Variants in CPZ observed in about 807,000 individuals in gnomAD.
CPZ encodes the protein VEZT/CPZ fusion.
Under a neutral mutation model 61.8 loss-of-function variants are expected in CPZ, and 103 were observed. That is an observed-to-expected ratio of 1.67 (90% CI 1.42 to 1.96). The LOEUF (loss-of-function observed/expected upper bound fraction) is 1.96, where lower values mean the gene tolerates loss of function less well. CPZ is among the 30% of genes most tolerant of loss of function. CPZ has a pLI of 0.00. For synonymous variants in CPZ, 551 were observed against 373.7 expected (o/e 1.47, Z -5.47); for missense variants, 1,461 against 914.9 (o/e 1.60, Z -7.70).
intron 1 of CPZ, among the ~76,000 whole-genome samples, chr4:8,595,335 C>A (rs929622961): frequency 1.3e-5 from 2 of 152,162 alleles, no homozygotes; most frequent in Non-Finnish European, 2.9e-5. Context: ...TGCAAGTCTG[C>A]AGGGGGATCC....
chr4:8,606,600 G>A, intron 5 of CPZ, 137 bp from the exon 6 acceptor site: 2 of 1,095,660 alleles, frequency 1.8e-6, no homozygotes, highest in Non-Finnish European at 2.7e-6. Context: ...GGTCAGGCAT[G>A]CCCCCGAGCT....
rs765617177 is a variant in CPZ, at chr4:8,605,946, C to A, written c.710-43C>A. On this transcript the variant is annotated intron_variant, in intron 4 of 10. Coordinates refer to ENST00000360986, the MANE Select transcript of CPZ (RefSeq NM_001014447.3). ...GGGGGCCTCATGCCTTTGGGGACCCCCGGCTTTGAGATGATGCCCCAAGTC... is the reference window on the plus strand; with the variant it reads ...GGGGGCCTCATGCCTTTGGGGACCCACGGCTTTGAGATGATGCCCCAAGTC... 3.8e-6 allele frequency: 6 copies of A among 1,584,078 alleles called. No homozygotes were observed. In the South Asian group the frequency reaches 6.8e-5, roughly 18 times the overall value.
intron 8 of CPZ, 94 bp from the exon 9 acceptor site, chr4:8,614,257 ACCCCGGCG>A: frequency 6.8e-7 from 1 of 1,472,326 alleles, no homozygotes; most frequent in East Asian, 2.3e-5. Flanking sequence ...CGCGGCTGAC[ACCCCGGCG>A]TCCCGGCTGT....
intron 4 of CPZ, 30 bp downstream of exon 4, chr4:8,604,218 C>T (rs1470995780): frequency 1.8e-5 from 27 of 1,498,004 alleles, no homozygotes; most frequent in Non-Finnish European, 2.3e-5. Flanking sequence ...CCTGGCCTGG[C>T]CCCGTTTCGG....
At chr4:8,595,123 C>T (rs966943658) in intron 1 of CPZ, among the ~76,000 whole-genome samples, 1 of 152,238 alleles carries the variant, frequency 6.6e-6, no homozygotes, top group Admixed American at 6.5e-5. Flanking sequence ...AGCATTTTGG[C>T]ATTCATATAA....
chr4:8,613,322 G>T (rs985362180), intron 8 of CPZ, among the ~76,000 whole-genome samples: 2 of 152,146 alleles, frequency 1.3e-5, no homozygotes, highest in African/African-American at 2.4e-5. Context: ...AGTAGAGATG[G>T]GGTTTCACCA....
intron 7 of CPZ, among the ~76,000 whole-genome samples, chr4:8,609,059 A>ACTCCCTCACGTACTCACTCC (rs1560297703): frequency 8.5e-6 from 1 of 117,930 alleles, no homozygotes; most frequent in Non-Finnish European, 1.7e-5. Flanking sequence ...TCCCTCCCTC[A>ACTCCCTCACGTACTCACTCC]CTCCCTCACT....
At chr4:8,595,204 C>T (rs903931870) in intron 1 of CPZ, among the ~76,000 whole-genome samples, 2 of 152,252 alleles carry the variant, frequency 1.3e-5, no homozygotes, top group Admixed American at 6.5e-5. Flanking sequence ...ACATCGCACA[C>T]ATTGGTTTGA....
rs571049835 is a variant in CPZ, at chr4:8,601,478, C to T, written c.477C>T (p.Asp159=). 2.0e-6 allele frequency: 3 copies of T among 1,493,232 alleles called. No homozygotes were observed. Among genetic ancestry groups the T allele is most frequent in the African/African-American group, 1.4e-5 (1 of 72,588 alleles). 92.5% of individuals were successfully genotyped at this position (1,493,232 alleles called of 1,614,324 possible). A position where few individuals can be genotyped will look rare whatever the true frequency, so the allele number is the denominator to read the frequency against. Residue 159 remains aspartate (D), a synonymous_variant, in exon 3 of 11, where the codon GAC becomes GAT. Transcript: ENST00000360986. ...YFTREDEGCY[D]PLEKLRGGLE... ...CGAGAGAGGACGAGGGCTGCTATGA[C>T]CCGCTGGAGAAGCTTCGGGGTAAGG...
Position 8,606,149 on chromosome 4 carries a change from C to T in CPZ, c.870C>T (p.Ser290=), listed in dbSNP as rs1258403608. The change falls in exon 5 of 11, where the codon TCC becomes TCT. Residue 290 remains serine, a synonymous_variant. Coordinates refer to ENST00000360986, the MANE Select transcript of CPZ (RefSeq NM_001014447.3). The part of the protein sequence containing the change: ...LNTTRIHLLP[S]MNPDGYEVAA... The stretch of plus-strand genomic sequence containing the variant: ...CCACCCGCATCCACCTGCTGCCCTC[C>T]ATGAACCCTGACGGCTATGAGGTGG... 5 of 1,614,166 alleles carry T rather than the reference C, an allele frequency of 3.1e-6. No homozygotes were observed. The highest frequency in any genetic ancestry group is 1.7e-5 in the Admixed American group (1 of 60,026).
rs537441827 is a variant in CPZ, at chr4:8,604,049, C to A, written c.570C>A (p.Tyr190Ter). 22 of 1,611,992 alleles carry A rather than the reference C, an allele frequency of 1.4e-5. No homozygotes were observed. Among genetic ancestry groups the A allele is most frequent in the African/African-American group, 2.7e-5 (2 of 74,952 alleles). Reference sequence around the variant, plus strand: ...TCATCCGCTTCAGCCACCACTCCTACGCCCAGATGGTGCGTGTGCTGAGGC... The same window carrying A: ...TCATCCGCTTCAGCCACCACTCCTAAGCCCAGATGGTGCGTGTGCTGAGGC... ...PTFIRFSHHS[Y>*]AQMVRVLRRT... Residue 190 changes from tyrosine (Y) to a stop codon, truncating the protein, a stop_gained, in exon 4 of 11, where the codon TAC (tyrosine) becomes TAA (stop). Transcript: ENST00000360986. LOFTEE classifies it high-confidence loss of function.
Position 8,604,032 on chromosome 4 carries a change from T to G in CPZ, c.553T>G (p.Phe185Val), listed in dbSNP as rs1482214222. ...PSGLPPTFIR[F>V]SHHSYAQMVR... ...AGGGCTGCCGCCCACCTTCATCCGC[T>G]TCAGCCACCACTCCTACGCCCAGAT... Residue 185 changes from phenylalanine (F) to valine (V), a missense_variant, in exon 4 of 11, where the codon TTC (phenylalanine) becomes GTC (valine). Coordinates refer to ENST00000360986, the MANE Select transcript of CPZ (RefSeq NM_001014447.3). 4 of 1,612,204 alleles carry G rather than the reference T, an allele frequency of 2.5e-6. No individual in the cohort carries two copies. The Admixed American group carries it at 6.7e-5, about 27-fold the overall frequency.
At chr4:8,595,645 G>A (rs938174583) in intron 1 of CPZ, among the ~76,000 whole-genome samples, 5 of 152,270 alleles carry the variant, frequency 3.3e-5, no homozygotes, top group African/African-American at 1.2e-4. Context: ...TGTGGCCACA[G>A]CAGCACCCAC....
chr4:8,619,330 T>C lies in CPZ; in HGVS notation c.1672T>C (p.Tyr558His). 7.4e-6 allele frequency: 12 copies of C among 1,614,154 alleles called. No homozygotes were observed. The highest frequency in any genetic ancestry group is 1.0e-5 in the Non-Finnish European group (12 of 1,180,012). ...IHIVIAQAPG[Y>H]AKVIKKVIIP... Reference sequence around the variant, plus strand: ...CATTGTCATTGCCCAAGCCCCTGGCTACGCCAAAGTCATCAAGAAAGTCAT... The same window carrying C: ...CATTGTCATTGCCCAAGCCCCTGGCCACGCCAAAGTCATCAAGAAAGTCAT... Residue 558 changes from tyrosine (Y) to histidine (H), a missense_variant, in exon 11 of 11, where the codon TAC becomes CAC. Tyr to His is a moderately conservative substitution (Grantham distance 83). Transcript: ENST00000360986.
At chr4:8,618,381 A>T (rs868256122) in intron 9 of CPZ, 48 bp from the exon 10 acceptor site, 2 of 1,580,274 alleles carry the variant, frequency 1.3e-6, no homozygotes, top group Middle Eastern at 1.7e-4. Flanking sequence ...CTCCACGCTC[A>T]GCAGGAGAGC....
At chr4:8,612,928 C>T (rs1438693319) in intron 8 of CPZ, among the ~76,000 whole-genome samples, 1 of 152,222 alleles carries the variant, frequency 6.6e-6, no homozygotes, top group Non-Finnish European at 1.5e-5. Context: ...GCACTTCTTG[C>T]ACACTCTGAA....
chr4:8,606,143 GCCCTCCATGAA>G lies in CPZ; in HGVS notation c.869_879del (p.Ser290Ter). The G allele has an allele frequency of 6.2e-7, 1 of 1,614,166 alleles. No individual in the cohort carries two copies. The highest frequency in any genetic ancestry group is 8.5e-7 in the Non-Finnish European group (1 of 1,180,034). On this transcript the variant is annotated frameshift_variant, in exon 5 of 11. Coordinates refer to ENST00000360986, the MANE Select transcript of CPZ (RefSeq NM_001014447.3). LOFTEE classifies it high-confidence loss of function. ...TCAACACCACCCGCATCCACCTGCT[GCCCTCCATGAA>G]CCCTGACGGCTATGAGGTGGCAGCT...
rs768384480 is a variant in CPZ, at chr4:8,614,379, C to G, written c.1384C>G (p.Leu462Val). The change falls in exon 9 of 11, where the codon CTG becomes GTG. Residue 462 changes from leucine (L) to valine (V), a missense_variant. Transcript: ENST00000360986. ...CACAGGCATGTCCGATTTCAACTAC[C>G]TGCACACCAACTGCTTTGAGATCAC... ...FTGGMSDFNYLHTNCFEITVE... is the reference protein window; with the variant it reads ...FTGGMSDFNYVHTNCFEITVE... 1.2e-6 allele frequency: 2 copies of G among 1,613,856 alleles called. No individual in the cohort carries two copies. Among genetic ancestry groups the G allele is most frequent in the Non-Finnish European group, 8.5e-7 (1 of 1,179,848 alleles).
intron 9 of CPZ, among the ~76,000 whole-genome samples, chr4:8,616,015 T>A (rs1307637820): frequency 6.6e-6 from 1 of 152,212 alleles, no homozygotes; most frequent in South Asian, 2.1e-4. Context: ...ATTTTGCGGC[T>A]GTCTGATGAA....
Sources: gnomAD v4.1 joint callset for allele counts (sites outside exome capture counted in the v4.1 genomes callset) on GRCh38, gnomAD v4.1.1 for gene constraint, MANE v1.5 for transcripts, NCBI Gene and HGNC (gene_info 2026-07-23, HGNC 2026-07-21) for gene names.